Variants in DPYD observed in about 807,000 individuals in gnomAD.
DPYD encodes dihydropyrimidine dehydrogenase [NADP(+)].
Under a neutral mutation model 116.2 loss-of-function variants are expected in DPYD, and 109 were observed. That is an observed-to-expected ratio of 0.94 (90% CI 0.80 to 1.10). The LOEUF is 1.10. Among genes scored for constraint, DPYD ranks in the 50% least tolerant of loss-of-function variants. DPYD has a pLI of 0.00. For synonymous variants in DPYD, 440 were observed against 432.0 expected (o/e 1.02, Z -0.23); for missense variants, 1,302 against 1,254.5 (o/e 1.04, Z -0.57).
At chr1:97,433,732 A>C (rs1299210820) in intron 14 of DPYD, among the ~76,000 whole-genome samples, 1 of 152,148 alleles carries the variant, frequency 6.6e-6, no homozygotes, top group East Asian at 1.9e-4. Context: ...TTAAGCAGAG[A>C]TTAGGCAACA....
chr1:97,221,989 C>A (rs188240314), intron 19 of DPYD, among the ~76,000 whole-genome samples: 171 of 152,086 alleles, frequency 1.1e-3, no homozygotes, highest in African/African-American at 4.0e-3. Context: ...ATCAGTTACC[C>A]ATCCAATCAC....
At chr1:97,915,962 C>T (rs912702081) in intron 1 of DPYD, among the ~76,000 whole-genome samples, 33 of 152,094 alleles carry the variant, frequency 2.2e-4, no homozygotes, top group Admixed American at 1.9e-3. Flanking sequence ...CTTACATTTA[C>T]GCTAATTATT....
At chr1:97,644,624 T>G (rs1458306055) in intron 8 of DPYD, among the ~76,000 whole-genome samples, 1 of 151,398 alleles carries the variant, frequency 6.6e-6, no homozygotes, top group Non-Finnish European at 1.5e-5. Flanking sequence ...TTTTTGTTTT[T>G]TTTTTTTGTA....
intron 13 of DPYD, among the ~76,000 whole-genome samples, chr1:97,463,581 G>C (rs999245966): frequency 6.6e-6 from 1 of 152,156 alleles, no homozygotes; most frequent in African/African-American, 2.4e-5. Context: ...GCAGAGGCTG[G>C]AACAGTTTGG....
At chr1:97,701,396 A>C (rs1661591089) in intron 5 of DPYD, among the ~76,000 whole-genome samples, 1 of 151,642 alleles carries the variant, frequency 6.6e-6, no homozygotes, top group Admixed American at 6.6e-5. Context: ...TAATCTCATT[A>C]TTCTACTCTC....
Position 97,519,202 on chromosome 1 carries a change from AAG to A in DPYD, c.1525-3263_1525-3262del, listed in dbSNP as rs1648461937. 5.3e-5 allele frequency among the ~76,000 whole-genome samples: 8 copies of A among 152,288 alleles called. No individual in the cohort carries two copies. The South Asian group carries it at 1.7e-3, about 32-fold the overall frequency. The stretch of plus-strand genomic sequence containing the variant: ...TCAAAACTGGGCAATTTACAAAGGA[AAG>A]AGGTTTAACTGGACTTACAGTTCCA... On this transcript the variant is annotated intron_variant, in intron 12 of 22. Transcript: ENST00000370192.
intron 3 of DPYD, among the ~76,000 whole-genome samples, chr1:97,800,635 C>A (rs1250205082): frequency 6.6e-6 from 1 of 151,924 alleles, no homozygotes; most frequent in Non-Finnish European, 1.5e-5. Flanking sequence ...ACTTCTGTGA[C>A]AAAACAAAGT....
At chr1:97,167,710 CGT>C (rs1656430235) in intron 20 of DPYD, among the ~76,000 whole-genome samples, 1 of 151,996 alleles carries the variant, frequency 6.6e-6, no homozygotes, top group African/African-American at 2.4e-5. Context: ...GTTTTGATAG[CGT>C]ACTTGAAAGC....
chr1:97,652,116 C>T (rs1658618813), intron 8 of DPYD, among the ~76,000 whole-genome samples: 1 of 151,966 alleles, frequency 6.6e-6, no homozygotes, highest in Admixed American at 6.6e-5. Flanking sequence ...TCACTATATT[C>T]ATTCTATAAA....
intron 11 of DPYD, among the ~76,000 whole-genome samples, chr1:97,565,804 A>G (rs1045118571): frequency 6.6e-6 from 1 of 152,182 alleles, no homozygotes; most frequent in Admixed American, 6.6e-5. Context: ...TGCATCAAGA[A>G]ATGTTCATTG....
At chr1:97,735,520 CA>C (rs767245436) in intron 4 of DPYD, among the ~76,000 whole-genome samples, 26,516 of 99,830 alleles carry the variant, frequency 0.27, 2,909 homozygotes, top group Non-Finnish European at 0.33. Context: ...AATAAAAATA[CA>C]AAAAAAAAAA....
intron 19 of DPYD, among the ~76,000 whole-genome samples, chr1:97,195,266 G>C (rs540547760): frequency 1.3e-4 from 20 of 151,964 alleles, no homozygotes; most frequent in African/African-American, 4.6e-4. Context: ...AGTATATCAG[G>C]GTGTCTGGCA....
chr1:97,248,777 A>G (rs1340211578), intron 18 of DPYD, among the ~76,000 whole-genome samples: 1 of 152,140 alleles, frequency 6.6e-6, no homozygotes, highest in East Asian at 1.9e-4. Flanking sequence ...TTCTCTATAT[A>G]CTCTTCATAC....
At chr1:97,282,275 C>T (rs749984193) in intron 18 of DPYD, among the ~76,000 whole-genome samples, 1 of 151,936 alleles carries the variant, frequency 6.6e-6, no homozygotes, top group African/African-American at 2.4e-5. Context: ...GTTTCATATT[C>T]GTCTTCTAAT....
chr1:97,249,361 AG>A (rs1662928942), intron 18 of DPYD, among the ~76,000 whole-genome samples: 1 of 152,150 alleles, frequency 6.6e-6, no homozygotes, highest in Non-Finnish European at 1.5e-5. Context: ...GTGTGAGAAA[AG>A]CAGGATATTT....
chr1:97,860,235 C>T (rs988182569), intron 2 of DPYD, among the ~76,000 whole-genome samples: 2 of 152,008 alleles, frequency 1.3e-5, no homozygotes, highest in Non-Finnish European at 2.9e-5. Context: ...CCCAGCTACC[C>T]CAGAGGCTGA....
chr1:97,333,671 C>A (rs1452647437), intron 16 of DPYD, among the ~76,000 whole-genome samples: 1 of 151,034 alleles, frequency 6.6e-6, no homozygotes, highest in Non-Finnish European at 1.5e-5. Context: ...CAGGTGCCTG[C>A]CACCACGCCT....
chr1:97,223,408 C>CAA (rs1477159182), intron 19 of DPYD, among the ~76,000 whole-genome samples: 1 of 121,496 alleles, frequency 8.2e-6, no homozygotes, highest in Non-Finnish European at 1.9e-5. Flanking sequence ...CACACACACA[C>CAA]ACACACACAC....
intron 8 of DPYD, among the ~76,000 whole-genome samples, chr1:97,602,580 A>T (rs1183301559): frequency 6.6e-6 from 1 of 151,962 alleles, no homozygotes; most frequent in Non-Finnish European, 1.5e-5. Context: ...TTTTGGTCTC[A>T]TACTTTTTAC....
Sources: gnomAD v4.1 joint callset for allele counts (sites outside exome capture counted in the v4.1 genomes callset) on GRCh38, gnomAD v4.1.1 for gene constraint, MANE v1.5 for transcripts, NCBI Gene and HGNC (gene_info 2026-07-23, HGNC 2026-07-21) for gene names.